Variants in FNBP1 observed in about 807,000 individuals in gnomAD.
The protein encoded by FNBP1 is formin-binding protein 1.
In FNBP1, 26 loss-of-function variants were observed where a neutral mutation model predicts 90.6. The observed-to-expected ratio is 0.29, with a 90% confidence interval of 0.21 to 0.40. The LOEUF (loss-of-function observed/expected upper bound fraction) is 0.40, where lower values mean the gene tolerates loss of function less well. FNBP1 is among the 10% of genes least tolerant of loss of function. The pLI is 1.00. For synonymous variants in FNBP1, 260 were observed against 265.2 expected (o/e 0.98, Z 0.19); for missense variants, 635 against 768.0 (o/e 0.83, Z 2.05).
chr9:129,991,453 T>C (rs1037144966), intron 2 of FNBP1, among the ~76,000 whole-genome samples: 4 of 151,176 alleles, frequency 2.6e-5, no homozygotes, highest in African/African-American at 4.9e-5. Context: ...TAAAATTCTT[T>C]TTAGAGGCAG....
chr9:129,989,049 G>A (rs1412921912), intron 2 of FNBP1, among the ~76,000 whole-genome samples: 1 of 151,918 alleles, frequency 6.6e-6, no homozygotes. Flanking sequence ...ACATGTTCCC[G>A]TCTCAGGACC....
In FNBP1 at chr9:130,003,724, C is replaced by T. The variant is rs541618974; in HGVS notation, c.25-8766G>A. 3.3e-5 allele frequency among the ~76,000 whole-genome samples: 5 copies of T among 151,756 alleles called. No individual in the cohort carries two copies. In the South Asian group the frequency reaches 1.0e-3, roughly 32 times the overall value. ...AGATCACAGGGCCAGGAGATCAAGA[C>T]CATCCTGGCTAACACGGTGAAACCC... On this transcript the variant is annotated intron_variant, in intron 1 of 16. Coordinates refer to ENST00000446176, the MANE Select transcript of FNBP1 (RefSeq NM_015033.3).
At chr9:129,948,586 A>G (rs992682897) in intron 6 of FNBP1, among the ~76,000 whole-genome samples, 6 of 151,646 alleles carry the variant, frequency 4.0e-5, no homozygotes, top group African/African-American at 1.5e-4. Context: ...CTTGTCCCCC[A>G]GGCTGGAGTG....
chr9:129,963,679 A>T (rs557977481), intron 4 of FNBP1, among the ~76,000 whole-genome samples: 1 of 148,232 alleles, frequency 6.7e-6, no homozygotes, highest in South Asian at 2.1e-4. Flanking sequence ...CAGTGGCACA[A>T]TCTCGGCTCA....
upstream of FNBP1, chr9:130,043,247 A>AGGGGC (rs1589461353): frequency 3.4e-6 from 1 of 292,448 alleles, no homozygotes; most frequent in East Asian, 5.3e-5. Flanking sequence ...GCGGGAGGGG[A>AGGGGC]GGGGCGGGGC....
chr9:129,942,737 A>G (rs1442767668), intron 6 of FNBP1, among the ~76,000 whole-genome samples: 1 of 152,194 alleles, frequency 6.6e-6, no homozygotes, highest in Non-Finnish European at 1.5e-5. Flanking sequence ...AGAGGACTAA[A>G]AGCCCTTTGG....
chr9:130,024,957 A>G (rs937866584), intron 1 of FNBP1, among the ~76,000 whole-genome samples: 1 of 152,156 alleles, frequency 6.6e-6, no homozygotes, highest in Non-Finnish European at 1.5e-5. Context: ...AGGTGGGTGA[A>G]TCACCTGAGG....
At chr9:129,978,394 T>TA in intron 4 of FNBP1, 71 bp downstream of exon 4, 1 of 1,270,942 alleles carries the variant, frequency 7.9e-7, no homozygotes, top group East Asian at 2.4e-5. Flanking sequence ...TATTTAATTT[T>TA]AATCTTCTAG....
chr9:129,978,390 A>G (rs2130887611), intron 4 of FNBP1, 75 bp downstream of exon 4: 5 of 1,254,926 alleles, frequency 4.0e-6, no homozygotes, highest in Non-Finnish European at 5.6e-6. Flanking sequence ...GTTTTATTTA[A>G]TTTTAATCTT....
chr9:130,015,741 T>TTCGGC (rs1366021769), intron 1 of FNBP1, among the ~76,000 whole-genome samples: 3 of 152,220 alleles, frequency 2.0e-5, no homozygotes, highest in Non-Finnish European at 4.4e-5. Flanking sequence ...TTGGCACAAT[T>TTCGGC]TCGGCTCGCT....
At chr9:129,893,368 T>G (rs577232874) in intron 16 of FNBP1, among the ~76,000 whole-genome samples, 38 of 150,432 alleles carry the variant, frequency 2.5e-4, no homozygotes, top group Non-Finnish European at 3.8e-4. Context: ...TTTGGGAGGC[T>G]GAGGCGGGCG....
intron 4 of FNBP1, among the ~76,000 whole-genome samples, chr9:129,974,733 G>A (rs1270490477): frequency 2.0e-5 from 3 of 151,952 alleles, no homozygotes; most frequent in Admixed American, 6.6e-5. Flanking sequence ...GGTGGCATAT[G>A]CCTGTGGTCC....
chr9:129,893,757 A>G (rs1291237632), intron 16 of FNBP1, among the ~76,000 whole-genome samples: 7 of 151,550 alleles, frequency 4.6e-5, no homozygotes, highest in Non-Finnish European at 1.0e-4. Flanking sequence ...TCTACTAAAA[A>G]TACAAAAAAT....
At chr9:129,938,079 C>G (rs1338228693) in intron 6 of FNBP1, among the ~76,000 whole-genome samples, 3 of 152,090 alleles carry the variant, frequency 2.0e-5, no homozygotes, top group Non-Finnish European at 4.4e-5. Flanking sequence ...AGGAGAATCA[C>G]TTGAACCTGG....
intron 12 of FNBP1, among the ~76,000 whole-genome samples, chr9:129,905,782 A>G (rs1451117024): frequency 6.6e-6 from 1 of 152,170 alleles, no homozygotes; most frequent in African/African-American, 2.4e-5. Context: ...CACAAACTAT[A>G]TATAGAATGT....
chr9:129,979,788 C>T (rs562837907), intron 2 of FNBP1, among the ~76,000 whole-genome samples: 3 of 152,050 alleles, frequency 2.0e-5, no homozygotes, highest in East Asian at 3.9e-4. Context: ...TACAGGTGCA[C>T]GCCACCACAT....
chr9:129,956,973 C>T (rs1466107067), intron 6 of FNBP1, among the ~76,000 whole-genome samples: 1 of 151,474 alleles, frequency 6.6e-6, no homozygotes, highest in African/African-American at 2.4e-5. Context: ...GAAATGAGAA[C>T]TTGGGGATGG....
chr9:130,037,048 A>G (rs894640806), intron 1 of FNBP1, among the ~76,000 whole-genome samples: 2 of 149,732 alleles, frequency 1.3e-5, no homozygotes, highest in African/African-American at 4.9e-5. Flanking sequence ...CCATCTCAAA[A>G]AAAAAAAAAG....
At chr9:129,939,304 G>A (rs1267822039) in intron 6 of FNBP1, among the ~76,000 whole-genome samples, 1 of 150,638 alleles carries the variant, frequency 6.6e-6, no homozygotes, top group African/African-American at 2.4e-5. Flanking sequence ...CAGGAGAATC[G>A]CTTGAACTCA....
Sources: allele counts gnomAD v4.1 joint callset (sites outside exome capture counted in the v4.1 genomes callset), GRCh38; gene constraint gnomAD v4.1.1; transcripts MANE v1.5; gene names NCBI Gene and HGNC (gene_info 2026-07-23, HGNC 2026-07-21).